The following ANKRD30A variants were observed in gnomAD, a reference collection of about 807,000 sequenced individuals.
ANKRD30A encodes the protein ankyrin repeat domain 30A.
Under a neutral mutation model 166.3 loss-of-function variants are expected in ANKRD30A, and 170 were observed. The observed-to-expected ratio is 1.02, with a 90% CI of 0.90 to 1.16. The LOEUF (loss-of-function observed/expected upper bound fraction) is 1.16, where lower values mean the gene tolerates loss of function less well. ANKRD30A is among the 50% of genes most tolerant of loss of function. The pLI is 0.00. For synonymous variants in ANKRD30A, 564 were observed against 508.9 expected (o/e 1.11, Z -1.46); for missense variants, 1,630 against 1,518.0 (o/e 1.07, Z -1.23).
rs182515964 is a variant in ANKRD30A at position 37,157,833 on chromosome 10, A to T, written c.1799-559A>T. ...ATTAACTTTTATTCTATAAGTAGAT[A>T]TGCTGCTAAATTTAGAACCTTCTCT... On this transcript the variant is annotated intron_variant, in intron 13 of 35. Coordinates refer to ENST00000361713, the MANE Select transcript of ANKRD30A (RefSeq NM_052997.3). Among the ~76,000 whole-genome samples the T allele has an allele frequency of 3.8e-3, 585 of 152,350 alleles. 1 individual carries two copies. Among genetic ancestry groups the T allele is most frequent in the Non-Finnish European group, 6.9e-3 (468 of 68,042 alleles).
chr10:37,205,894 G>A (rs553393235), intron 31 of ANKRD30A, among the ~76,000 whole-genome samples: 48 of 152,278 alleles, frequency 3.2e-4, no homozygotes, highest in African/African-American at 1.2e-3. Context: ...ACTGAGTAGC[G>A]AAGGTATAGA....
At chr10:37,161,923 A>G (rs993687609) in intron 15 of ANKRD30A, among the ~76,000 whole-genome samples, 5 of 152,192 alleles carry the variant, frequency 3.3e-5, no homozygotes, top group African/African-American at 9.6e-5. Flanking sequence ...GCTTTTTAAG[A>G]TAAATATTGT....
chr10:37,127,032 G>A (rs1206394693), intron 1 of ANKRD30A, among the ~76,000 whole-genome samples: 1 of 75,726 alleles, frequency 1.3e-5, no homozygotes, highest in Non-Finnish European at 2.3e-5. Flanking sequence ...AGGTGATAGA[G>A]TGAAACTCTG....
chr10:37,231,137 T>C (rs1219804319), intron 34 of ANKRD30A, among the ~76,000 whole-genome samples: 7 of 152,118 alleles, frequency 4.6e-5, no homozygotes, highest in Admixed American at 3.9e-4. Flanking sequence ...TATAGCTTTT[T>C]TAATTTTAGT....
chr10:37,194,408 C>A (rs1310979799), intron 27 of ANKRD30A, among the ~76,000 whole-genome samples: 1 of 151,506 alleles, frequency 6.6e-6, no homozygotes, highest in African/African-American at 2.4e-5. Context: ...ATGGCGCCAT[C>A]TCGGCTCATG....
At chr10:37,178,381 A>G (rs1428442669) in intron 24 of ANKRD30A, 1 of 454,872 alleles carries the variant, frequency 2.2e-6, no homozygotes, top group African/African-American at 2.1e-5. Flanking sequence ...AGAGGTTTTC[A>G]AACTTTAGAA....
intron 34 of ANKRD30A, among the ~76,000 whole-genome samples, chr10:37,227,783 C>T (rs1843229082): frequency 6.6e-6 from 1 of 151,938 alleles, no homozygotes. Flanking sequence ...TTGGTCACAT[C>T]ATCTGACAGT....
intron 27 of ANKRD30A, 92 bp downstream of exon 27, chr10:37,193,350 A>C: frequency 1.4e-6 from 2 of 1,394,262 alleles, no homozygotes; most frequent in Non-Finnish European, 9.7e-7. Flanking sequence ...GTTGTTTTCT[A>C]TTCATAATTT....
At chr10:37,150,262 G>A (rs988365818) in intron 11 of ANKRD30A, among the ~76,000 whole-genome samples, 1 of 151,916 alleles carries the variant, frequency 6.6e-6, no homozygotes, top group Non-Finnish European at 1.5e-5. Context: ...TGTTTCCAGT[G>A]TTGTCACTTT....
intron 31 of ANKRD30A, among the ~76,000 whole-genome samples, chr10:37,205,538 T>C (rs751194918): frequency 6.6e-6 from 1 of 152,240 alleles, no homozygotes; most frequent in African/African-American, 2.4e-5. Context: ...ATATGGCACA[T>C]GTATACATAT....
At chr10:37,233,348 T>C (rs915930220), downstream of ANKRD30A, among the ~76,000 whole-genome samples, 2 of 152,098 alleles carry the variant, frequency 1.3e-5, no homozygotes, top group African/African-American at 4.8e-5. Context: ...AGAGGAAGAA[T>C]GTTAAATACT....
At chr10:37,164,281 AT>A (rs1839130801) in intron 17 of ANKRD30A, among the ~76,000 whole-genome samples, 1 of 145,668 alleles carries the variant, frequency 6.9e-6, no homozygotes, top group South Asian at 2.1e-4. Context: ...ACTGGACGTT[AT>A]TTTTGGTATA....
rs1437256284 is a variant in ANKRD30A at position 37,125,795 on chromosome 10, A to G, written c.8A>G (p.Glu3Gly). Residue 3 changes from glutamate (E) to glycine (G), a missense_variant, in exon 1 of 36, where the codon GAG becomes GGG. Transcript: ENST00000361713. ...TAGCAGGTGGCCGCAGCCATGGAGG[A>G]GATCTCTGCCGCCGCTGTCAAGGTC... ME[E>G]ISAAAVKVVP... 6 of 684,694 alleles carry G rather than the reference A, an allele frequency of 8.8e-6. No individual in the cohort carries two copies. The highest frequency in any genetic ancestry group is 1.3e-5 in the Non-Finnish European group (5 of 395,666). 42.4% of individuals were successfully genotyped at this position (684,694 alleles called of 1,614,324 possible). A position where few individuals can be genotyped will look rare whatever the true frequency, so the allele number is the denominator to read the frequency against.
rs1417654648 is a variant in ANKRD30A, at chr10:37,132,306, A to T, written c.577A>T (p.Ile193Leu). 6.2e-7 allele frequency: 1 copy of T among 1,605,944 alleles called. No homozygotes were observed. Residue 193 changes from isoleucine to leucine, a missense_variant, in exon 4 of 36, where the codon ATA becomes TTA. Physicochemically the swap from Ile to Leu is conservative, Grantham distance 5. Around this residue, in one of 4 missense-constraint regions of ANKRD30A, gnomAD observed 904 missense variants for 818.5 expected, o/e 1.10. Coordinates refer to ENST00000361713, the MANE Select transcript of ANKRD30A (RefSeq NM_052997.3). The stretch of plus-strand genomic sequence containing the variant: ...TGAGCAAATTGTGGAATTTTTGCTG[A>T]TAAAAAATGCAAATGCGAATGCAGT... ...RSEQIVEFLLIKNANANAVNK... is the reference protein window; with the variant it reads ...RSEQIVEFLLLKNANANAVNK...
intron 24 of ANKRD30A, among the ~76,000 whole-genome samples, chr10:37,178,159 G>A (rs1305585201): frequency 2.0e-5 from 3 of 151,244 alleles, no homozygotes; most frequent in Admixed American, 1.3e-4. Context: ...AGAAATTTGG[G>A]AAGAATATAA....
chr10:37,158,645 C>T, intron 15 of ANKRD30A, 59 bp downstream of exon 15: 5 of 1,588,696 alleles, frequency 3.1e-6, no homozygotes, highest in East Asian at 2.2e-5. Flanking sequence ...ATTTGAAATG[C>T]TGTGAGACTT....
rs1839001301 is a variant in ANKRD30A, at chr10:37,162,545, C to T, written c.1901-104C>T. ...TTTCCAAATCTAAAGTATTCATTCTCCAATTGGAGCAAGAGGAGTCAGTTA... is the reference window on the plus strand; with the variant it reads ...TTTCCAAATCTAAAGTATTCATTCTTCAATTGGAGCAAGAGGAGTCAGTTA... On this transcript the variant is annotated intron_variant, in intron 15 of 35. Transcript: ENST00000361713. 4.8e-6 allele frequency: 7 copies of T among 1,452,374 alleles called. No individual in the cohort carries two copies. The Admixed American group carries it at 6.8e-5, about 14-fold the overall frequency. 90.0% of individuals were successfully genotyped at this position (1,452,374 alleles called of 1,614,324 possible).
intron 25 of ANKRD30A, among the ~76,000 whole-genome samples, chr10:37,190,369 T>C (rs1803108418): frequency 1.3e-5 from 2 of 151,658 alleles, no homozygotes; most frequent in Admixed American, 6.6e-5. Flanking sequence ...GGATAGAAGG[T>C]CAGGACAGAA....
At chr10:37,172,717 A>G (rs1352620147) in intron 21 of ANKRD30A, among the ~76,000 whole-genome samples, 1 of 141,904 alleles carries the variant, frequency 7.0e-6, no homozygotes, top group Non-Finnish European at 1.5e-5. Context: ...CACTCCAGAG[A>G]CTACCAGAAT....
Sources: allele counts gnomAD v4.1 joint callset (sites outside exome capture counted in the v4.1 genomes callset), GRCh38; gene constraint gnomAD v4.1.1; regional missense constraint gnomAD v4.1.1; transcripts MANE v1.5; gene names NCBI Gene and HGNC (gene_info 2026-07-23, HGNC 2026-07-21).